The following POU6F1 variants were observed in gnomAD, a reference collection of about 807,000 sequenced individuals.
POU6F1 encodes POU class 6 homeobox 1.
In POU6F1, 9 loss-of-function variants were observed where a neutral mutation model predicts 28.9. The observed-to-expected ratio is 0.31, with a 90% CI of 0.19 to 0.54. The LOEUF (loss-of-function observed/expected upper bound fraction) is 0.54. POU6F1 is among the 20% of genes least tolerant of loss of function. The pLI is 0.94. For synonymous variants in POU6F1, 173 were observed against 171.1 expected (o/e 1.01, Z -0.09); for missense variants, 338 against 426.1 (o/e 0.79, Z 1.82).
At chr12:51,214,850 T>C (rs1944202746) in intron 1 of POU6F1, among the ~76,000 whole-genome samples, 1 of 151,980 alleles carries the variant, frequency 6.6e-6, no homozygotes, top group Non-Finnish European at 1.5e-5. Context: ...TCCCAGCTAC[T>C]TGGGAGGCTG....
chr12:51,196,527 T>C (rs1942837815), intron 7 of POU6F1, among the ~76,000 whole-genome samples: 2 of 152,152 alleles, frequency 1.3e-5, no homozygotes, highest in Admixed American at 6.5e-5. Flanking sequence ...GAAAGTGAGA[T>C]GATGTATGAG....
chr12:51,195,311 G>C (rs754500278), intron 8 of POU6F1, among the ~76,000 whole-genome samples: 3 of 152,072 alleles, frequency 2.0e-5, no homozygotes, highest in Non-Finnish European at 2.9e-5. Flanking sequence ...ATCCCTTTAT[G>C]ATAGTCCAAT....
At chr12:51,197,344 G>A (rs1477005808) in intron 6 of POU6F1, among the ~76,000 whole-genome samples, 1 of 152,178 alleles carries the variant, frequency 6.6e-6, no homozygotes, top group Non-Finnish European at 1.5e-5. Flanking sequence ...GGCCAGGCCT[G>A]GGAGGGTAGA....
intron 1 of POU6F1, among the ~76,000 whole-genome samples, chr12:51,215,077 G>C (rs1944211961): frequency 6.6e-6 from 1 of 152,296 alleles, no homozygotes; most frequent in Non-Finnish European, 1.5e-5. Context: ...TGGTGCCTAA[G>C]ATAATATCTG....
intron 1 of POU6F1, among the ~76,000 whole-genome samples, chr12:51,215,293 G>A (rs894564453): frequency 5.3e-5 from 8 of 151,872 alleles, no homozygotes; most frequent in South Asian, 4.2e-4. Flanking sequence ...GGTGGTTCAC[G>A]TCTGTAATCC....
rs1402900679 is a variant in POU6F1, at chr12:51,187,133, C to T, written c.*3114G>A. The T allele has an allele frequency of 2.0e-5, 3 of 152,086 alleles. No homozygotes were observed. Among genetic ancestry groups the T allele is most frequent in the Admixed American group, 2.0e-4 (3 of 15,266 alleles). 9.4% of individuals were successfully genotyped at this position (152,086 alleles called of 1,614,324 possible). ...GAAGGTAATTGGATTTCCAAGAACA[C>T]AAAAATGTCAGAGTCTCGCATTCCA... On this transcript the variant is annotated 3_prime_UTR_variant, in exon 11 of 11. Transcript: ENST00000333640.
rs376522676 is a variant in POU6F1 at position 51,194,138 on chromosome 12, T to C, written c.1180-1667A>G. Among the ~76,000 whole-genome samples, 24 of 152,232 alleles carry C rather than the reference T, an allele frequency of 1.6e-4. 1 individual carries two copies. In the East Asian group the frequency reaches 3.9e-3, roughly 25 times the overall value. On this transcript the variant is annotated intron_variant, in intron 8 of 10. Transcript: ENST00000333640. ...GCCTCCCGGGTTCAAGCAATTCTCC[T>C]ACCTCGGCCTCCCAAGTAGCTAGGA... is the stretch of plus-strand genomic sequence containing the variant.
intron 6 of POU6F1, among the ~76,000 whole-genome samples, chr12:51,197,550 T>C (rs1942917618): frequency 6.6e-6 from 1 of 152,192 alleles, no homozygotes; most frequent in African/African-American, 2.4e-5. Flanking sequence ...TTCTGGAGAA[T>C]GTGCCCAGCC....
rs1239605206 is a variant in POU6F1 at position 51,187,214 on chromosome 12, A to C, written c.*3033T>G. On this transcript the variant is annotated 3_prime_UTR_variant, in exon 11 of 11. Transcript: ENST00000333640. ...AGTTCTTTCCCTGGACTTCACCTGG[A>C]TAAAATGCCGTGGTAATGCAGGGTC... 1 of 152,196 alleles carries C rather than the reference A, an allele frequency of 6.6e-6. No individual in the cohort carries two copies. Among genetic ancestry groups the C allele is most frequent in the Non-Finnish European group, 1.5e-5 (1 of 68,042 alleles). The allele number at this position is 152,196 out of a possible 1,614,324, so 9.4% of individuals were successfully genotyped here.
At position 51,190,796 on chromosome 12, in the gene POU6F1, G is replaced by A. The variant is rs1325377623; in HGVS notation, c.1491-204C>T. ...CTCCTCAGACCCTCTGATGTGCCCGGTCCTAACAGGGAAACCATTCCCACG... is the reference window on the plus strand; with the variant it reads ...CTCCTCAGACCCTCTGATGTGCCCGATCCTAACAGGGAAACCATTCCCACG... On this transcript the variant is annotated intron_variant, in intron 10 of 10. Transcript: ENST00000333640. The surrounding 1 kb of genome is among the most constrained non-coding windows in gnomAD (Gnocchi z 4.5). Among the ~76,000 whole-genome samples the A allele has an allele frequency of 3.3e-5, 5 of 152,102 alleles. No homozygotes were observed. The East Asian group carries it at 7.7e-4, about 23-fold the overall frequency.
chr12:51,207,405 G>C (rs1943702255), intron 1 of POU6F1: 1 of 152,174 alleles, frequency 6.6e-6, no homozygotes, highest in Non-Finnish European at 1.5e-5. Flanking sequence ...CTGGGCTTAG[G>C]GTGAGGAGAG....
rs530178276 is a variant in POU6F1 at position 51,196,184 on chromosome 12, A to G, written c.976-11T>C. The G allele has an allele frequency of 1.7e-5, 25 of 1,494,998 alleles. No homozygotes were observed. In the Admixed American group the frequency reaches 2.5e-4, roughly 15 times the overall value. 92.6% of individuals were successfully genotyped at this position (1,494,998 alleles called of 1,614,324 possible). A position where few individuals can be genotyped will look rare whatever the true frequency, so the allele number is the denominator to read the frequency against. ...AAGGGTTCCAATAACCTGGGAGGAA[A>G]TAAGGCAGGGACCCCAGGTGTGAGG... is the stretch of plus-strand genomic sequence containing the variant. On this transcript the variant is annotated splice_polypyrimidine_tract_variant and intron_variant, in intron 7 of 10. Coordinates refer to ENST00000333640, the MANE Select transcript of POU6F1 (RefSeq NM_001330422.2).
rs1942136040 is a variant in POU6F1 at position 51,187,975 on chromosome 12, C to T, written c.*2272G>A. The stretch of plus-strand genomic sequence containing the variant: ...TTGAGACCGAGTCTTGCTCTGTCAC[C>T]CAGGCTGGAGTGAAGTAGTGTGATC... On this transcript the variant is annotated 3_prime_UTR_variant, in exon 11 of 11. Coordinates refer to ENST00000333640, the MANE Select transcript of POU6F1 (RefSeq NM_001330422.2). The T allele has an allele frequency of 1.3e-5, 2 of 152,182 alleles. No individual in the cohort carries two copies. The allele number at this position is 152,182 out of a possible 1,614,324, so 9.4% of individuals were successfully genotyped here.
chr12:51,195,842 C>T (rs1565607131), intron 8 of POU6F1, 128 bp downstream of exon 8: 2 of 1,103,194 alleles, frequency 1.8e-6, no homozygotes, highest in East Asian at 5.3e-5. Flanking sequence ...GGACCTCCCC[C>T]ACTTTAGGAA....
intron 8 of POU6F1, among the ~76,000 whole-genome samples, chr12:51,193,367 G>A (rs976405410): frequency 2.0e-5 from 3 of 152,204 alleles, no homozygotes; most frequent in Non-Finnish European, 4.4e-5. Flanking sequence ...CTGAAGTCAG[G>A]AGTTCAAGAC....
chr12:51,187,848 AG>A lies in POU6F1; in HGVS notation c.*2398del, dbSNP rs1592125457. 6.6e-6 allele frequency: 1 copy of A among 152,216 alleles called. No individual in the cohort carries two copies. Among genetic ancestry groups the A allele is most frequent in the Admixed American group, 6.5e-5 (1 of 15,270 alleles). The allele number at this position is 152,216 out of a possible 1,614,324, so 9.4% of individuals were successfully genotyped here. A position where few individuals can be genotyped will look rare whatever the true frequency, so the allele number is the denominator to read the frequency against. On this transcript the variant is annotated 3_prime_UTR_variant, in exon 11 of 11. Transcript: ENST00000333640. The stretch of plus-strand genomic sequence containing the variant: ...ACACCCTGGATTATGTGCTATTCCC[AG>A]GGTGCCAGCTGTGACCCATTTGTCT...
At chr12:51,215,200 A>G (rs921034289) in intron 1 of POU6F1, among the ~76,000 whole-genome samples, 1 of 151,900 alleles carries the variant, frequency 6.6e-6, no homozygotes, top group South Asian at 2.1e-4. Flanking sequence ...CAAAACACAC[A>G]CCCTACTTCA....
rs1041199556 is a variant in POU6F1 at position 51,196,936 on chromosome 12, G to A, written c.847-9C>T. 3 of 1,525,382 alleles carry A rather than the reference G, an allele frequency of 2.0e-6. No homozygotes were observed. Among genetic ancestry groups the A allele is most frequent in the East Asian group, 2.3e-5 (1 of 44,284 alleles). 94.5% of individuals were successfully genotyped at this position (1,525,382 alleles called of 1,614,324 possible). A position where few individuals can be genotyped will look rare whatever the true frequency, so the allele number is the denominator to read the frequency against. ...AGGGAAGCAGCACTGATCTGTGGGTGGAGGAAGAGCCTTGCTCAGAAGCCA... is the reference window on the plus strand; with the variant it reads ...AGGGAAGCAGCACTGATCTGTGGGTAGAGGAAGAGCCTTGCTCAGAAGCCA... On this transcript the variant is annotated splice_polypyrimidine_tract_variant and intron_variant, in intron 6 of 10. Transcript: ENST00000333640.
At chr12:51,197,681 T>C (rs1227925288) in intron 6 of POU6F1, 89 bp downstream of exon 6, 2 of 398,140 alleles carry the variant, frequency 5.0e-6, no homozygotes, top group East Asian at 7.1e-5. Context: ...CGGGGGGGGC[T>C]CGTCCTCCAC....
Sources: allele counts gnomAD v4.1 joint callset (sites outside exome capture counted in the v4.1 genomes callset), GRCh38; gene constraint gnomAD v4.1.1; non-coding constraint Gnocchi (gnomAD v3.1); transcripts MANE v1.5; gene names NCBI Gene and HGNC (gene_info 2026-07-23, HGNC 2026-07-21).